Variants in FAN1 observed in about 807,000 individuals in gnomAD.
FAN1 encodes the protein fanconi-associated nuclease 1.
Under a neutral mutation model 104.9 loss-of-function variants are expected in FAN1, and 91 were observed. That is an observed-to-expected ratio of 0.87 (90% CI 0.73 to 1.03). FAN1 has a LOEUF of 1.03. Ranked by LOEUF, FAN1 falls within the 50% of genes least tolerant of loss-of-function variation. The pLI is 0.00. For synonymous variants in FAN1, 478 were observed against 457.6 expected, an observed-to-expected ratio of 1.04 and a Z score of -0.57; for missense variants, 1,263 against 1,239.9, an observed-to-expected ratio of 1.02 and a Z score of -0.28.
At chr15:30,910,874 T>TA (rs1244079968) in intron 4 of FAN1, 59 bp downstream of exon 4, 1 of 1,548,618 alleles carries the variant, frequency 6.5e-7, no homozygotes, top group South Asian at 1.2e-5. Context: ...CATATTAACT[T>TA]ACAGTAGATT....
At chr15:30,907,678 TTAAAGA>T (rs1459695481) in intron 2 of FAN1, among the ~76,000 whole-genome samples, 1 of 152,142 alleles carries the variant, frequency 6.6e-6, no homozygotes, top group African/African-American at 2.4e-5. Flanking sequence ...TGGCCGAAAT[TTAAAGA>T]TAATCTGGGT....
chr15:30,905,948 CTGAT>C (rs1257904079), intron 2 of FAN1, 51 bp downstream of exon 2: 3 of 1,518,988 alleles, frequency 2.0e-6, no homozygotes, highest in Admixed American at 1.7e-5. Flanking sequence ...TTTTGCTGCT[CTGAT>C]TGGGGCATGA....
chr15:30,934,429 T>C (rs2062798087), intron 13 of FAN1, among the ~76,000 whole-genome samples: 1 of 152,212 alleles, frequency 6.6e-6, no homozygotes, highest in African/African-American at 2.4e-5. Context: ...ATTATTGATA[T>C]CCTTAGCTTT....
intron 8 of FAN1, 34 bp downstream of exon 8, chr15:30,922,388 T>C: frequency 6.4e-7 from 1 of 1,570,098 alleles, no homozygotes; most frequent in Non-Finnish European, 8.6e-7. Flanking sequence ...GAAACACCTT[T>C]TCATTTTAGA....
In FAN1 at chr15:30,942,029, T is replaced by C. The variant is rs767912155; in HGVS notation, c.*467T>C. Reference sequence around the variant, plus strand: ...TTCTTGGTCACTGATGATTCCATTCTTTAAGGCAGACGGCATTCCTCTTAG... The same window carrying C: ...TTCTTGGTCACTGATGATTCCATTCCTTAAGGCAGACGGCATTCCTCTTAG... On this transcript the variant is annotated 3_prime_UTR_variant, in exon 15 of 15. Transcript: ENST00000362065. 7 of 1,613,938 alleles carry C rather than the reference T, an allele frequency of 4.3e-6. No homozygotes were observed. Among genetic ancestry groups the C allele is most frequent in the Admixed American group, 3.3e-5 (2 of 60,006 alleles).
chr15:30,905,789 C>T lies in FAN1; in HGVS notation c.1126C>T (p.Leu376Phe). The change falls in exon 2 of 15, where the codon CTT becomes TTT. Residue 376 changes from leucine to phenylalanine, a missense_variant. Leu to Phe is a conservative substitution (Grantham distance 22). Around this residue, in one of 2 missense-constraint regions of FAN1, gnomAD observed 682 missense variants for 571.1 expected, o/e 1.19. Transcript: ENST00000362065. ...PGQTTGHPYY[L>F]RSFLVVLKTV... Reference sequence around the variant, plus strand: ...TCAAACAACCGGTCATCCTTACTACCTTCGGAGTTTCCTTGTGGTGCTGAA... The same window carrying T: ...TCAAACAACCGGTCATCCTTACTACTTTCGGAGTTTCCTTGTGGTGCTGAA... The T allele has an allele frequency of 1.9e-6, 3 of 1,614,226 alleles. No individual in the cohort carries two copies. Among genetic ancestry groups the T allele is most frequent in the East Asian group, 2.2e-5 (1 of 44,888 alleles).
intron 9 of FAN1, 90 bp from the exon 10 acceptor site, chr15:30,925,699 A>C: frequency 1.4e-6 from 2 of 1,409,342 alleles, no homozygotes; most frequent in South Asian, 2.5e-5. Context: ...CTTTGTGGTA[A>C]GGGAGGTCAA....
intron 4 of FAN1, chr15:30,911,484 G>T (rs1203968603): frequency 6.1e-6 from 6 of 983,916 alleles, no homozygotes; most frequent in South Asian, 9.4e-5. Context: ...GCCCATCCTT[G>T]TTGGGGAGGT....
At chr15:30,930,503 C>T (rs750650646) in intron 12 of FAN1, 40 bp from the exon 13 acceptor site, 2 of 1,559,116 alleles carry the variant, frequency 1.3e-6, no homozygotes, top group Admixed American at 4.3e-5. Context: ...CATTCTCTGT[C>T]ACGAGGGAAG....
chr15:30,940,601 G>T, intron 14 of FAN1: 1 of 985,358 alleles, frequency 1.0e-6, no homozygotes, highest in African/African-American at 1.7e-5. Context: ...GCGAGTTTTG[G>T]CATAGATGGC....
intron 13 of FAN1, among the ~76,000 whole-genome samples, chr15:30,931,752 A>G (rs28881289): frequency 0.23 from 34,670 of 151,944 alleles, 4,956 homozygotes; most frequent in African/African-American, 0.41. Context: ...GTCTGTTTCT[A>G]TATACTCTTC....
intron 14 of FAN1, chr15:30,939,839 A>G (rs2140979713): frequency 1.0e-6 from 1 of 985,276 alleles, no homozygotes; most frequent in Non-Finnish European, 1.2e-6. Context: ...AAAATGTTTA[A>G]TAATTCTATT....
chr15:30,926,043 C>A, intron 10 of FAN1, 104 bp downstream of exon 10: 1 of 1,172,410 alleles, frequency 8.5e-7, no homozygotes, highest in Non-Finnish European at 1.2e-6. Context: ...CTGTCCTCTG[C>A]TCACAGTGGA....
Position 30,905,726 on chromosome 15 carries a change from A to T in FAN1, c.1063A>T (p.Ile355Phe), listed in dbSNP as rs779723852. Residue 355 changes from isoleucine (I) to phenylalanine (F), a missense_variant, in exon 2 of 15, where the codon ATT becomes TTT. Coordinates refer to ENST00000362065, the MANE Select transcript of FAN1 (RefSeq NM_014967.5). ...SCLNNDIPHSIPLEQGSSCNG... is the reference protein window; with the variant it reads ...SCLNNDIPHSFPLEQGSSCNG... ...CTTAAACAATGATATCCCTCACAGC[A>T]TTCCTTTGGAGCAGGGGTCAAGCTG... 1.5e-5 allele frequency: 24 copies of T among 1,614,100 alleles called. No homozygotes were observed. In the East Asian group the frequency reaches 5.3e-4, roughly 36 times the overall value.
chr15:30,920,632 G>A lies in FAN1; in HGVS notation c.2031G>A (p.Leu677=). ...TRILSRFVEI[L]QRLHMYEEAV... is the part of the protein sequence containing the mutation. ...TTTTGTCTCGGTTTGTGGAAATACT[G>A]CAGAGACTTCACATGTATGAGGTTA... is the stretch of plus-strand genomic sequence containing the variant. The change falls in exon 7 of 15, where the codon CTG becomes CTA. Residue 677 remains leucine, a synonymous_variant. Coordinates refer to ENST00000362065, the MANE Select transcript of FAN1 (RefSeq NM_014967.5). The A allele has an allele frequency of 6.2e-7, 1 of 1,608,320 alleles. No homozygotes were observed. Among genetic ancestry groups the A allele is most frequent in the Non-Finnish European group, 8.5e-7 (1 of 1,175,526 alleles).
chr15:30,908,138 G>A lies in FAN1; in HGVS notation c.1255G>A (p.Val419Ile), dbSNP rs1424114675. Residue 419 changes from valine to isoleucine, a missense_variant, in exon 3 of 15, where the codon GTA (valine) becomes ATA (isoleucine). By Grantham distance (29) the Val-to-Ile change is conservative (BLOSUM62 3). Transcript: ENST00000362065. ...QLSATGQKLYVRLFQRKLSWI... is the reference protein window; with the variant it reads ...QLSATGQKLYIRLFQRKLSWI... ...TGCAGCTACTGGTCAGAAGTTATAT[G>A]TAAGGCTCTTTCAACGTAAATTAAG... is the stretch of plus-strand genomic sequence containing the variant. The A allele has an allele frequency of 6.2e-7, 1 of 1,610,244 alleles. No homozygotes were observed.
intron 14 of FAN1, chr15:30,940,264 CA>C: frequency 1.0e-6 from 1 of 974,510 alleles, no homozygotes. Context: ...TCTTGTCACA[CA>C]GTTTGGAAAT....
At chr15:30,939,603 G>C (rs1360397482) in intron 14 of FAN1, 1 of 928,348 alleles carries the variant, frequency 1.1e-6, no homozygotes, top group East Asian at 1.2e-4. Flanking sequence ...ATTATTAATA[G>C]TACCTAATAT....
chr15:30,923,516 G>C (rs2062385867), intron 8 of FAN1, among the ~76,000 whole-genome samples: 1 of 152,154 alleles, frequency 6.6e-6, no homozygotes, highest in Admixed American at 6.5e-5. Context: ...ACTGGCCATA[G>C]CTCTTGTTAT....
Sources: gnomAD v4.1 joint callset for allele counts (sites outside exome capture counted in the v4.1 genomes callset) on GRCh38, gnomAD v4.1.1 for gene constraint, gnomAD v4.1.1 regional missense constraint, MANE v1.5 for transcripts, NCBI Gene and HGNC (gene_info 2026-07-23, HGNC 2026-07-21) for gene names.